Variants in DNAJB6 observed in about 807,000 individuals in gnomAD.
The protein encoded by DNAJB6 is DnaJ heat shock protein family (Hsp40) member B6.
DNAJB6 carries 16 observed loss-of-function variants against 42.7 expected under a neutral mutation model. That is an observed-to-expected ratio of 0.37 (90% CI 0.25 to 0.57). The LOEUF (loss-of-function observed/expected upper bound fraction) is 0.57, where lower values mean the gene tolerates loss of function less well. DNAJB6 is among the 20% of genes least tolerant of loss of function. The probability of loss-of-function intolerance (pLI) is 0.74; values close to 1 mark genes in which losing one functional copy is unlikely to be tolerated. For synonymous variants in DNAJB6, 170 were observed against 163.5 expected, an observed-to-expected ratio of 1.04 and a Z score of -0.30; for missense variants, 347 against 416.8, an observed-to-expected ratio of 0.83 and a Z score of 1.46.
intron 8 of DNAJB6, among the ~76,000 whole-genome samples, chr7:157,402,728 T>C (rs996317238): frequency 6.6e-6 from 1 of 152,104 alleles, no homozygotes; most frequent in African/African-American, 2.4e-5. Context: ...TTAAAACAAA[T>C]AAGGAATATG....
chr7:157,416,003 C>T lies in DNAJB6; in HGVS notation c.899-13C>T, dbSNP rs374432835. On this transcript the variant is annotated splice_polypyrimidine_tract_variant and intron_variant, in intron 9 of 9. Transcript: ENST00000262177. The stretch of plus-strand genomic sequence containing the variant: ...CTGTTCCGTACAGTGTTTTACAAGC[C>T]GTGTTTCCTTAGGATTGAAAGAAGG... 3.5e-5 allele frequency: 56 copies of T among 1,613,962 alleles called. No individual in the cohort carries two copies. In the East Asian group the frequency reaches 5.8e-4, roughly 17 times the overall value.
chr7:157,367,381 C>T lies in DNAJB6; in HGVS notation c.244C>T (p.His82Tyr). ...GTGTTGTATTTGTGCAGGTGGAAGT[C>T]ATTTTGACAGTCCATTTGAATTTGG... ...GLNGGGGGGS[H>Y]FDSPFEFGFT... The change falls in exon 5 of 10, where the codon CAT becomes TAT. Residue 82 changes from histidine to tyrosine, a missense_variant. By Grantham distance (83) the His-to-Tyr change is moderately conservative (BLOSUM62 2). This residue lies in a region of DNAJB6 where 78 missense variants were observed against 102.1 expected (regional missense o/e 0.76). Coordinates refer to ENST00000262177, the MANE Select transcript of DNAJB6 (RefSeq NM_058246.4). 1 of 1,607,332 alleles carries T rather than the reference C, an allele frequency of 6.2e-7. No homozygotes were observed. Among genetic ancestry groups the T allele is most frequent in the Non-Finnish European group, 8.5e-7 (1 of 1,173,848 alleles).
At chr7:157,404,927 C>G (rs1472059293) in intron 8 of DNAJB6, among the ~76,000 whole-genome samples, 1 of 152,216 alleles carries the variant, frequency 6.6e-6, no homozygotes, top group African/African-American at 2.4e-5. Context: ...GTGTGAGCCA[C>G]TGTGCCAGCC....
intron 1 of DNAJB6, among the ~76,000 whole-genome samples, chr7:157,339,186 C>G (rs1451944137): frequency 6.7e-6 from 1 of 149,370 alleles, no homozygotes; most frequent in Non-Finnish European, 1.5e-5. Context: ...TCTATTAACT[C>G]TGTTTTGGAC....
At chr7:157,397,552 C>T (rs1801651552) in intron 8 of DNAJB6, among the ~76,000 whole-genome samples, 2 of 152,208 alleles carry the variant, frequency 1.3e-5, no homozygotes, top group Admixed American at 1.3e-4. Context: ...CCTCATTGTC[C>T]TCAGCCTTCG....
intron 1 of DNAJB6, among the ~76,000 whole-genome samples, chr7:157,345,385 G>C (rs1798630461): frequency 6.6e-6 from 1 of 152,128 alleles, no homozygotes; most frequent in Non-Finnish European, 1.5e-5. Flanking sequence ...ACATGACATG[G>C]CTCACAGCAT....
At chr7:157,352,232 G>A (rs1370877753) in intron 1 of DNAJB6, among the ~76,000 whole-genome samples, 1 of 152,006 alleles carries the variant, frequency 6.6e-6, no homozygotes, top group East Asian at 1.9e-4. Flanking sequence ...CAGAGGCTGA[G>A]ACAGGAAAGT....
At chr7:157,352,730 A>G (rs899351783) in intron 1 of DNAJB6, among the ~76,000 whole-genome samples, 6 of 152,116 alleles carry the variant, frequency 3.9e-5, no homozygotes, top group Non-Finnish European at 4.4e-5. Flanking sequence ...GATATTCTAG[A>G]TGGAGCTCAG....
At chr7:157,374,041 AAATG>A (rs1800349146) in intron 5 of DNAJB6, among the ~76,000 whole-genome samples, 1 of 152,152 alleles carries the variant, frequency 6.6e-6, no homozygotes, top group Admixed American at 6.5e-5. Context: ...AAAGGTTAAA[AAATG>A]AAACCGTGAT....
chr7:157,377,305 T>TA (rs1800522687), intron 5 of DNAJB6, among the ~76,000 whole-genome samples: 1 of 152,118 alleles, frequency 6.6e-6, no homozygotes, highest in Non-Finnish European at 1.5e-5. Context: ...CCAGACCCCT[T>TA]AGGTAGGAAT....
chr7:157,355,382 G>T (rs957588828), intron 1 of DNAJB6, among the ~76,000 whole-genome samples: 7 of 152,140 alleles, frequency 4.6e-5, no homozygotes, highest in Admixed American at 3.3e-4. Context: ...GGATGGTCTT[G>T]ATCTCCTGAC....
rs201599433 is a variant in DNAJB6, at chr7:157,377,215, AGAC to A, written c.347-5030_347-5028del. 8.5e-3 allele frequency among the ~76,000 whole-genome samples: 993 copies of A among 116,178 alleles called. 9 individuals are homozygous for A. Among genetic ancestry groups the A allele is most frequent in the African/African-American group, 0.052 (921 of 17,612 alleles). 76.2% of individuals were successfully genotyped at this position (116,178 alleles called of 152,430 possible). ...AGAAAAAGATCTAGCCATGTTAATA[AGAC>A]TGTTCACAGATGCACATTTCCCCCA... On this transcript the variant is annotated intron_variant, in intron 5 of 9. Transcript: ENST00000262177.
chr7:157,376,340 G>A lies in DNAJB6; in HGVS notation c.347-5906G>A, dbSNP rs150344213. ...GTTTAGTATCTTGTTAATGTTATGG[G>A]CCCCTTAATGCATTGGTCTTAGTAT... On this transcript the variant is annotated intron_variant, in intron 5 of 9. Transcript: ENST00000262177. 2.0e-3 allele frequency among the ~76,000 whole-genome samples: 308 copies of A among 151,864 alleles called. 1 individual carries two copies. The highest frequency in any genetic ancestry group is 3.7e-3 in the Non-Finnish European group (252 of 68,012).
intron 1 of DNAJB6, among the ~76,000 whole-genome samples, chr7:157,350,811 T>C (rs116074362): frequency 0.012 from 1,858 of 151,892 alleles, 35 homozygotes; most frequent in African/African-American, 0.043. Context: ...TGCCTCAGCC[T>C]CCCGAGTCTT....
At chr7:157,402,929 C>T (rs118124567) in intron 8 of DNAJB6, among the ~76,000 whole-genome samples, 3,155 of 152,222 alleles carry the variant, frequency 0.021, 46 homozygotes, top group East Asian at 0.055. Flanking sequence ...TATCTGAGAC[C>T]GTCTCAGTCA....
chr7:157,383,642 T>TGTGTGTGTGG (rs1800904138), intron 6 of DNAJB6, among the ~76,000 whole-genome samples: 1 of 145,118 alleles, frequency 6.9e-6, no homozygotes, highest in Non-Finnish European at 1.5e-5. Flanking sequence ...TGTGTGTGTG[T>TGTGTGTGTGG]GGTGGGGGTG....
chr7:157,356,762 T>C (rs1283355254), intron 1 of DNAJB6, among the ~76,000 whole-genome samples: 4 of 152,198 alleles, frequency 2.6e-5, no homozygotes, highest in African/African-American at 4.8e-5. Flanking sequence ...ATTTTAAAAA[T>C]ACTGGGAACA....
At chr7:157,354,803 T>C (rs1181263389) in intron 1 of DNAJB6, among the ~76,000 whole-genome samples, 1 of 152,208 alleles carries the variant, frequency 6.6e-6, no homozygotes. Flanking sequence ...TGTGATTTAT[T>C]TGTGTCTGTG....
intron 1 of DNAJB6, among the ~76,000 whole-genome samples, chr7:157,347,478 A>C (rs913198021): frequency 6.6e-6 from 1 of 152,132 alleles, no homozygotes; most frequent in Non-Finnish European, 1.5e-5. Context: ...AGTCACTGGG[A>C]CTTTAGGTGC....
Sources: gnomAD v4.1 joint callset for allele counts (sites outside exome capture counted in the v4.1 genomes callset) on GRCh38, gnomAD v4.1.1 for gene constraint, gnomAD v4.1.1 regional missense constraint, MANE v1.5 for transcripts, NCBI Gene and HGNC (gene_info 2026-07-23, HGNC 2026-07-21) for gene names.